The following DYNLT5 variants were observed in gnomAD, a reference collection of about 807,000 sequenced individuals.
DYNLT5 encodes dynein light chain Tctex-type family member 5, also known as dynein light chain Tctex-type 5.
DYNLT5 carries 25 observed loss-of-function variants against 19.3 expected under a neutral mutation model. The observed-to-expected ratio is 1.30, with a 90% CI of 0.95 to 1.81. The LOEUF (loss-of-function observed/expected upper bound fraction) is 1.81. Among genes scored for constraint, DYNLT5 ranks in the 40% most tolerant of loss-of-function variants. The probability of loss-of-function intolerance (pLI) is 0.00; values close to 1 mark genes in which losing one functional copy is unlikely to be tolerated. For missense variants in DYNLT5, 232 were observed against 217.9 expected (o/e 1.06, Z -0.41); for synonymous variants, 82 against 68.9 (o/e 1.19, Z -0.94).
intron 2 of DYNLT5, among the ~76,000 whole-genome samples, chr1:66,761,568 C>T (rs1252656456): frequency 1.3e-5 from 2 of 152,096 alleles, no homozygotes; most frequent in Admixed American, 1.3e-4. Context: ...AGGATCACGG[C>T]AGCCAGGGGT....
chr1:66,763,480 AAAT>A (rs1276397996), intron 2 of DYNLT5, among the ~76,000 whole-genome samples: 3 of 152,212 alleles, frequency 2.0e-5, no homozygotes, highest in African/African-American at 7.2e-5. Flanking sequence ...GCATCTTCTG[AAAT>A]AAGACTGTTT....
intron 3 of DYNLT5, among the ~76,000 whole-genome samples, chr1:66,772,376 T>C (rs769988561): frequency 2.0e-5 from 3 of 152,166 alleles, no homozygotes; most frequent in Non-Finnish European, 4.4e-5. Context: ...TGTGAACTAA[T>C]AGAGGAAGAA....
intron 2 of DYNLT5, among the ~76,000 whole-genome samples, chr1:66,768,318 A>G (rs1645179656): frequency 6.6e-6 from 1 of 152,224 alleles, no homozygotes; most frequent in Non-Finnish European, 1.5e-5. Flanking sequence ...GTTAGAGAAC[A>G]ACTGAGGTTA....
At chr1:66,776,554 T>A in intron 4 of DYNLT5, 151 bp downstream of exon 4, 1 of 809,598 alleles carries the variant, frequency 1.2e-6, no homozygotes, top group Non-Finnish European at 1.8e-6. Flanking sequence ...TATATGTGTG[T>A]GTGTGGGTGT....
At chr1:66,776,560 GGT>G (rs112651579) in intron 4 of DYNLT5, among the ~76,000 whole-genome samples, 157 bp downstream of exon 4, 24 of 126,628 alleles carry the variant, frequency 1.9e-4, no homozygotes, top group Admixed American at 9.4e-4. Context: ...TGTGTGTGTG[GGT>G]GTGTGTGTGT....
intron 2 of DYNLT5, among the ~76,000 whole-genome samples, chr1:66,758,361 G>T (rs1296680276): frequency 6.6e-6 from 1 of 152,132 alleles, no homozygotes; most frequent in Non-Finnish European, 1.5e-5. Flanking sequence ...AAGCTATGAG[G>T]TCAAGTTACT....
intron 2 of DYNLT5, among the ~76,000 whole-genome samples, chr1:66,764,202 A>T (rs1196249191): frequency 6.6e-6 from 1 of 152,126 alleles, no homozygotes; most frequent in Non-Finnish European, 1.5e-5. Flanking sequence ...AAAAACAAAA[A>T]CAAACAAACA....
intron 2 of DYNLT5, among the ~76,000 whole-genome samples, chr1:66,762,243 T>C (rs2094647201): frequency 6.6e-6 from 1 of 152,238 alleles, no homozygotes; most frequent in Admixed American, 6.5e-5. Flanking sequence ...TAATGTATAG[T>C]AATCAGATCA....
At chr1:66,757,072 T>C (rs999997458) in intron 2 of DYNLT5, among the ~76,000 whole-genome samples, 59 of 152,370 alleles carry the variant, frequency 3.9e-4, no homozygotes, top group African/African-American at 1.3e-3. Context: ...TTGCCTTCGA[T>C]ATGCACTATA....
At chr1:66,776,209 A>G in intron 3 of DYNLT5, 70 bp from the exon 4 acceptor site, 1 of 1,540,568 alleles carries the variant, frequency 6.5e-7, no homozygotes, top group Non-Finnish European at 8.8e-7. Context: ...TACTCTTTTG[A>G]TTAGCCTATG....
At chr1:66,768,946 C>A (rs1198325087) in intron 2 of DYNLT5, among the ~76,000 whole-genome samples, 2 of 152,092 alleles carry the variant, frequency 1.3e-5, no homozygotes, top group African/African-American at 2.4e-5. Flanking sequence ...AATAATGAAT[C>A]TTTTACTTAC....
At chr1:66,777,093 G>A (rs1645240632) in intron 4 of DYNLT5, among the ~76,000 whole-genome samples, 158 bp from the exon 5 acceptor site, 1 of 152,194 alleles carries the variant, frequency 6.6e-6, no homozygotes, top group Admixed American at 6.5e-5. Context: ...AGGGGACCAT[G>A]CTTGAAGGGA....
intron 3 of DYNLT5, chr1:66,775,358 T>C (rs771977567): frequency 6.6e-6 from 1 of 152,240 alleles, no homozygotes; most frequent in Non-Finnish European, 1.5e-5. Flanking sequence ...GAAGTGCTTA[T>C]CGCACTGCCT....
intron 3 of DYNLT5, among the ~76,000 whole-genome samples, chr1:66,774,691 G>T (rs1645224673): frequency 6.6e-6 from 1 of 150,628 alleles, no homozygotes; most frequent in Non-Finnish European, 1.5e-5. Context: ...GACAGAAACT[G>T]CTCCCAAGGG....
intron 3 of DYNLT5, among the ~76,000 whole-genome samples, chr1:66,773,650 CA>C (rs11316751): frequency 0.14 from 20,487 of 151,048 alleles, 1,413 homozygotes; most frequent in South Asian, 0.16. Flanking sequence ...TTAATTCTAA[CA>C]AAAAAAAATG....
chr1:66,766,140 G>A (rs568821206), intron 2 of DYNLT5, among the ~76,000 whole-genome samples: 106 of 152,230 alleles, frequency 7.0e-4, no homozygotes, highest in Non-Finnish European at 1.2e-3. Flanking sequence ...TCTGGGACAC[G>A]TTTTGCCAAT....
intron 2 of DYNLT5, among the ~76,000 whole-genome samples, chr1:66,766,365 C>T (rs550954824): frequency 6.6e-6 from 1 of 152,230 alleles, no homozygotes. Context: ...ATGTATTGTG[C>T]CAGGTATATG....
In DYNLT5 at chr1:66,754,700, A is replaced by G. The variant is rs1187062117; in HGVS notation, c.42A>G (p.Ser14=). 6.2e-7 allele frequency: 1 copy of G among 1,613,428 alleles called. No individual in the cohort carries two copies. Among genetic ancestry groups the G allele is most frequent in the African/African-American group, 1.3e-5 (1 of 75,026 alleles). Residue 14 remains serine, a synonymous_variant, in exon 2 of 5, where the codon TCA becomes TCG. Coordinates refer to ENST00000282670, the MANE Select transcript of DYNLT5 (RefSeq NM_152665.3). ...SDNAKGRAAH[S]WKKRGSISSL... is the part of the protein sequence containing the mutation. ...ATGCTAAAGGCAGAGCAGCTCATTC[A>G]TGGAAGAAAAGAGGGAGTATTTCTT... is the stretch of plus-strand genomic sequence containing the variant.
At chr1:66,768,727 T>C (rs1239474016) in intron 2 of DYNLT5, 7 of 152,194 alleles carry the variant, frequency 4.6e-5, no homozygotes, top group African/African-American at 7.2e-5. Flanking sequence ...AGAAAAGAAA[T>C]TGAGTTTTTA....
Sources: allele counts gnomAD v4.1 joint callset (sites outside exome capture counted in the v4.1 genomes callset), GRCh38; gene constraint gnomAD v4.1.1; transcripts MANE v1.5; gene names NCBI Gene and HGNC (gene_info 2026-07-23, HGNC 2026-07-21).